CCSER1: variants seen among roughly 807,000 people sequenced by gnomAD.
CCSER1 encodes the protein serine-rich coiled-coil domain-containing protein 1.
A neutral mutation model predicts 82.0 loss-of-function variants in CCSER1; 41 were observed. That is an observed-to-expected ratio of 0.50 (90% CI 0.39 to 0.65). The LOEUF (loss-of-function observed/expected upper bound fraction) is 0.65, where lower values mean the gene tolerates loss of function less well. Ranked by LOEUF, CCSER1 falls within the 30% of genes least tolerant of loss-of-function variation. The pLI, the probability that CCSER1 is intolerant of heterozygous loss-of-function variation, is 0.00. For missense variants in CCSER1, 1,119 were observed against 1,064.2 expected (o/e 1.05, Z -0.72); for synonymous variants, 414 against 383.9 (o/e 1.08, Z -0.92).
intron 8 of CCSER1, among the ~76,000 whole-genome samples, chr4:90,881,190 C>G (rs1721258965): frequency 6.6e-6 from 1 of 151,984 alleles, no homozygotes; most frequent in African/African-American, 2.4e-5. Flanking sequence ...CAATTTTACA[C>G]TCTTAAATAT....
At chr4:91,029,272 G>GTT (rs151082631) in intron 9 of CCSER1, among the ~76,000 whole-genome samples, 1 of 145,350 alleles carries the variant, frequency 6.9e-6, no homozygotes, top group Non-Finnish European at 1.5e-5. Context: ...TTATCGTTCG[G>GTT]TTTTTTTTTT....
intron 5 of CCSER1, among the ~76,000 whole-genome samples, chr4:90,605,621 A>C (rs935092509): frequency 3.4e-4 from 52 of 152,330 alleles, no homozygotes; most frequent in African/African-American, 1.1e-3. Flanking sequence ...TTTTCTGTCT[A>C]GTCCTAATGC....
chr4:90,860,261 A>G (rs1295115422), intron 8 of CCSER1, among the ~76,000 whole-genome samples: 1 of 151,646 alleles, frequency 6.6e-6, no homozygotes. Context: ...TGTGATCAAT[A>G]TAATTATTCA....
intron 10 of CCSER1, among the ~76,000 whole-genome samples, chr4:91,551,700 C>CAA (rs869196035): frequency 1.4e-5 from 2 of 139,224 alleles, no homozygotes; most frequent in African/African-American, 5.4e-5. Flanking sequence ...CACACACACA[C>CAA]AATCAGTCAA....
intron 10 of CCSER1, among the ~76,000 whole-genome samples, chr4:91,117,782 C>T (rs1445486904): frequency 1.3e-5 from 2 of 152,098 alleles, no homozygotes; most frequent in Non-Finnish European, 2.9e-5. Flanking sequence ...AGTTACATGA[C>T]CATAGACATA....
intron 8 of CCSER1, among the ~76,000 whole-genome samples, chr4:90,846,022 G>A (rs1444316215): frequency 3.3e-5 from 5 of 152,084 alleles, no homozygotes; most frequent in African/African-American, 1.2e-4. Flanking sequence ...ATGAAGGAAA[G>A]TAGCTTTGTC....
At chr4:90,772,679 A>G (rs1436936035) in intron 7 of CCSER1, among the ~76,000 whole-genome samples, 2 of 152,168 alleles carry the variant, frequency 1.3e-5, no homozygotes, top group Non-Finnish European at 2.9e-5. Flanking sequence ...ATCATTCTCT[A>G]ATCTGAAGTA....
intron 4 of CCSER1, among the ~76,000 whole-genome samples, chr4:90,411,107 G>C (rs1007582200): frequency 1.3e-5 from 2 of 152,074 alleles, no homozygotes; most frequent in African/African-American, 4.8e-5. Context: ...ACCAATAATA[G>C]GCTCTGAAAT....
At chr4:90,473,641 G>A (rs979367491) in intron 5 of CCSER1, among the ~76,000 whole-genome samples, 2 of 152,144 alleles carry the variant, frequency 1.3e-5, no homozygotes, top group African/African-American at 4.8e-5. Flanking sequence ...CAGGCTTAAA[G>A]TTTTGTCAGC....
At chr4:90,747,880 C>A (rs536473948) in intron 7 of CCSER1, among the ~76,000 whole-genome samples, 44 of 149,020 alleles carry the variant, frequency 3.0e-4, no homozygotes, top group Admixed American at 1.8e-3. Flanking sequence ...TCAATTCCCA[C>A]CTATGAGTGA....
Position 90,650,847 on chromosome 4 carries a change from C to G in CCSER1, c.1932+22615C>G, listed in dbSNP as rs563776071. On this transcript the variant is annotated intron_variant, in intron 6 of 10. Coordinates refer to ENST00000509176, the MANE Select transcript of CCSER1 (RefSeq NM_001145065.2). ...CTTCTCCATTTCTATAACCAATGCT[C>G]TAGTCTAAAATTGCTTTAAATATGT... 5.3e-5 allele frequency among the ~76,000 whole-genome samples: 8 copies of G among 152,290 alleles called. No homozygotes were observed. The South Asian group carries it at 1.7e-3, about 32-fold the overall frequency.
At chr4:90,490,450 A>C (rs992814858) in intron 5 of CCSER1, among the ~76,000 whole-genome samples, 1 of 152,006 alleles carries the variant, frequency 6.6e-6, no homozygotes, top group Non-Finnish European at 1.5e-5. Flanking sequence ...AGATTGCAAA[A>C]ATTTTCTCCC....
chr4:90,424,633 C>T (rs1327578944), intron 4 of CCSER1, among the ~76,000 whole-genome samples: 5 of 152,172 alleles, frequency 3.3e-5, no homozygotes, highest in Admixed American at 1.3e-4. Flanking sequence ...TTACATTACT[C>T]ATAGTCTACA....
intron 5 of CCSER1, among the ~76,000 whole-genome samples, chr4:90,577,030 C>A (rs1780847220): frequency 6.6e-6 from 1 of 152,066 alleles, no homozygotes; most frequent in African/African-American, 2.4e-5. Context: ...ATATCCTAAC[C>A]AGCATGTTGT....
At chr4:90,985,533 C>A (rs1164673056) in intron 9 of CCSER1, among the ~76,000 whole-genome samples, 1 of 151,646 alleles carries the variant, frequency 6.6e-6, no homozygotes, top group East Asian at 1.9e-4. Context: ...ATAATAATGC[C>A]TCCCTTAAAT....
intron 6 of CCSER1, among the ~76,000 whole-genome samples, chr4:90,690,355 G>A (rs1319277268): frequency 6.6e-6 from 1 of 151,964 alleles, no homozygotes; most frequent in African/African-American, 2.4e-5. Context: ...TATTAAAAGT[G>A]TATGTCTGGT....
At chr4:90,621,159 A>T (rs1234976352) in intron 5 of CCSER1, among the ~76,000 whole-genome samples, 1 of 152,050 alleles carries the variant, frequency 6.6e-6, no homozygotes, top group Admixed American at 6.6e-5. Flanking sequence ...CTTTTGTGGG[A>T]TACACCAATC....
intron 1 of CCSER1, among the ~76,000 whole-genome samples, chr4:90,299,874 A>G (rs1361710248): frequency 6.6e-6 from 1 of 152,164 alleles, no homozygotes; most frequent in Non-Finnish European, 1.5e-5. Flanking sequence ...TACTTATTTT[A>G]GTAAAAAATG....
chr4:91,216,795 A>G (rs548622306), intron 10 of CCSER1, among the ~76,000 whole-genome samples: 3 of 152,080 alleles, frequency 2.0e-5, no homozygotes, highest in Non-Finnish European at 4.4e-5. Context: ...CCACTTGTCC[A>G]TTTTACCAAT....
Sources: gnomAD v4.1 joint callset for allele counts (sites outside exome capture counted in the v4.1 genomes callset) on GRCh38, gnomAD v4.1.1 for gene constraint, MANE v1.5 for transcripts, NCBI Gene and HGNC (gene_info 2026-07-23, HGNC 2026-07-21) for gene names.